Variants in ZC3H12C observed in about 807,000 individuals in gnomAD.
ZC3H12C encodes the protein zinc finger CCCH-type containing 12C, also known as probable ribonuclease ZC3H12C.
Under a neutral mutation model 76.3 loss-of-function variants are expected in ZC3H12C, and 20 were observed. The observed-to-expected ratio is 0.26, with a 90% CI of 0.18 to 0.38. The LOEUF (loss-of-function observed/expected upper bound fraction) is 0.38, where lower values mean the gene tolerates loss of function less well. Among genes scored for constraint, ZC3H12C ranks in the 10% least tolerant of loss-of-function variants. The pLI is 1.00. For synonymous variants in ZC3H12C, 352 were observed against 399.6 expected, an observed-to-expected ratio of 0.88 and a Z score of 1.42; for missense variants, 874 against 1,086.5, an observed-to-expected ratio of 0.80 and a Z score of 2.75.
chr11:110,157,204 A>G (rs1330399631), intron 3 of ZC3H12C, among the ~76,000 whole-genome samples: 2 of 151,752 alleles, frequency 1.3e-5, no homozygotes, highest in Admixed American at 1.3e-4. Flanking sequence ...CAGAGAGATC[A>G]GCAGTTACAT....
chr11:110,122,364 A>T (rs1308600039), intron 1 of ZC3H12C, among the ~76,000 whole-genome samples: 1 of 152,124 alleles, frequency 6.6e-6, no homozygotes, highest in Non-Finnish European at 1.5e-5. Flanking sequence ...TTTTCTGACA[A>T]TTTCAGTTAT....
intron 1 of ZC3H12C, chr11:110,130,926 T>A (rs2134171239): frequency 8.9e-7 from 1 of 1,129,700 alleles, no homozygotes; most frequent in Middle Eastern, 2.0e-4. Flanking sequence ...TTGTGAGCTT[T>A]CTGGCCTATG....
chr11:110,145,263 T>G (rs1397650075), intron 2 of ZC3H12C, among the ~76,000 whole-genome samples: 1 of 152,206 alleles, frequency 6.6e-6, no homozygotes. Context: ...AAAGTAGAAT[T>G]TATGTGCTTT....
chr11:110,102,690 T>C (rs1314640488), intron 1 of ZC3H12C, among the ~76,000 whole-genome samples: 2 of 152,182 alleles, frequency 1.3e-5, no homozygotes, highest in Non-Finnish European at 2.9e-5. Flanking sequence ...TCAAACAGCG[T>C]TGCATGCTAC....
In ZC3H12C at chr11:110,165,005, C is replaced by T. The variant is rs1862550691; in HGVS notation, c.1920C>T (p.Tyr640=). 1 of 1,613,976 alleles carries T rather than the reference C, an allele frequency of 6.2e-7. No homozygotes were observed. The highest frequency in any genetic ancestry group is 8.5e-7 in the Non-Finnish European group (1 of 1,179,888). The part of the protein sequence containing the change: ...GSMSCGSSDS[Y]VGYNDRSYVS... ...TGAGCTGTGGGAGCAGTGACTCCTA[C>T]GTGGGTTACAATGACCGGTCCTATG... The change falls in exon 6 of 6, where the codon TAC becomes TAT. Residue 640 remains tyrosine (Y), a synonymous_variant. Transcript: ENST00000278590.
At chr11:110,102,358 T>G (rs1230722837) in intron 1 of ZC3H12C, among the ~76,000 whole-genome samples, 1 of 151,264 alleles carries the variant, frequency 6.6e-6, no homozygotes, top group Non-Finnish European at 1.5e-5. Flanking sequence ...ATGGATGACT[T>G]TGAGGGCTTC....
At chr11:110,119,416 A>G (rs1202597972) in intron 1 of ZC3H12C, among the ~76,000 whole-genome samples, 3 of 152,102 alleles carry the variant, frequency 2.0e-5, no homozygotes, top group Non-Finnish European at 2.9e-5. Context: ...AACCTTCAAG[A>G]CGCTTATATG....
intron 1 of ZC3H12C, among the ~76,000 whole-genome samples, chr11:110,105,014 G>T (rs939020075): frequency 6.6e-6 from 1 of 152,140 alleles, no homozygotes; most frequent in African/African-American, 2.4e-5. Flanking sequence ...GTCTTATAGG[G>T]TAAAGCTAAA....
chr11:110,145,532 G>A (rs1862148747), intron 2 of ZC3H12C, among the ~76,000 whole-genome samples: 1 of 150,876 alleles, frequency 6.6e-6, no homozygotes, highest in Non-Finnish European at 1.5e-5. Context: ...GTCCTTTTCA[G>A]AGCTTGGTCT....
chr11:110,152,295 A>G (rs1229437877), intron 2 of ZC3H12C, among the ~76,000 whole-genome samples: 1 of 152,232 alleles, frequency 6.6e-6, no homozygotes, highest in Non-Finnish European at 1.5e-5. Context: ...CCAACACGAT[A>G]TAGTTGAACA....
intron 1 of ZC3H12C, among the ~76,000 whole-genome samples, chr11:110,117,525 G>A (rs1861548826): frequency 6.6e-6 from 1 of 151,014 alleles, no homozygotes; most frequent in Non-Finnish European, 1.5e-5. Context: ...GCCTTGCACT[G>A]TTCTGAGAGT....
intron 1 of ZC3H12C, among the ~76,000 whole-genome samples, chr11:110,102,970 CTA>C (rs1322785738): frequency 5.9e-5 from 9 of 152,168 alleles, no homozygotes; most frequent in African/African-American, 2.2e-4. Flanking sequence ...ATTTAAGAGA[CTA>C]TAGAATAGTG....
chr11:110,134,312 A>G (rs1203002180), intron 1 of ZC3H12C, among the ~76,000 whole-genome samples: 1 of 151,976 alleles, frequency 6.6e-6, no homozygotes, highest in Non-Finnish European at 1.5e-5. Context: ...GTTCATACCA[A>G]ATTATTCTTT....
Position 110,164,088 on chromosome 11 carries a change from GACCCTGTCTCAAAA to G in ZC3H12C, c.1256-251_1256-238del, listed in dbSNP as rs1565270105. 8.1e-6 allele frequency among the ~76,000 whole-genome samples: 1 copy of G among 122,766 alleles called. No individual in the cohort carries two copies. Among genetic ancestry groups the G allele is most frequent in the African/African-American group, 2.9e-5 (1 of 33,938 alleles). 80.5% of individuals were successfully genotyped at this position (122,766 alleles called of 152,430 possible). On this transcript the variant is annotated intron_variant, in intron 5 of 5. Transcript: ENST00000278590. The surrounding 1 kb of genome is among the most constrained non-coding windows in gnomAD (Gnocchi z 5.7). ...GCCCTCCACCTGGGTGACAGAGCAA[GACCCTGTCTCAAAA>G]AAAAAAAAAAAGTTCTGGAGGTGAT...
Position 110,164,401 on chromosome 11 carries a change from C to T in ZC3H12C, c.1316C>T (p.Pro439Leu), listed in dbSNP as rs1254622050. ...TACCATCCCGAAAGGGGCAGTCAGC[C>T]ACAGCGGTCAGTGGCTGATGAACTC... ...KYYHPERGSQ[P>L]QRSVADELRA... The change falls in exon 6 of 6, where the codon CCA becomes CTA. Residue 439 changes from proline (P) to leucine (L), a missense_variant. Coordinates refer to ENST00000278590, the MANE Select transcript of ZC3H12C (RefSeq NM_033390.2). This position sits in a 1 kb window ranked among gnomAD's most constrained non-coding sequence, Gnocchi z 5.7. 1 of 1,613,982 alleles carries T rather than the reference C, an allele frequency of 6.2e-7. No individual in the cohort carries two copies.
chr11:110,133,758 T>C (rs1316457290), intron 1 of ZC3H12C, among the ~76,000 whole-genome samples: 1 of 152,116 alleles, frequency 6.6e-6, no homozygotes, highest in East Asian at 1.9e-4. Context: ...TAAAATTACA[T>C]GGTATAGTAG....
At chr11:110,146,042 T>A (rs1311724921) in intron 2 of ZC3H12C, among the ~76,000 whole-genome samples, 5 of 152,278 alleles carry the variant, frequency 3.3e-5, no homozygotes, top group Non-Finnish European at 5.9e-5. Flanking sequence ...GCTGGAGTGC[T>A]GTGGCGCGAT....
At chr11:110,158,296 G>C (rs1862413851) in intron 3 of ZC3H12C, among the ~76,000 whole-genome samples, 3 of 152,116 alleles carry the variant, frequency 2.0e-5, no homozygotes, top group Admixed American at 6.5e-5. Flanking sequence ...GATCACCTGA[G>C]GTCAGGAGTT....
intron 4 of ZC3H12C, among the ~76,000 whole-genome samples, chr11:110,160,469 C>T (rs1250441368): frequency 6.6e-6 from 1 of 151,978 alleles, no homozygotes; most frequent in Non-Finnish European, 1.5e-5. Context: ...AAAACATTTT[C>T]CTTCTTTATA....
Sources: gnomAD v4.1 joint callset for allele counts (sites outside exome capture counted in the v4.1 genomes callset) on GRCh38, gnomAD v4.1.1 for gene constraint, Gnocchi (gnomAD v3.1) non-coding constraint, MANE v1.5 for transcripts, NCBI Gene and HGNC (gene_info 2026-07-23, HGNC 2026-07-21) for gene names.